Variants in XXYLT1 observed in about 807,000 individuals in gnomAD.
XXYLT1 encodes UDP-xylose:alpha-xyloside alpha-1,3-xylosyltransferase.
Under a neutral mutation model 28.9 loss-of-function variants are expected in XXYLT1, and 20 were observed. The observed-to-expected ratio is 0.69, with a 90% confidence interval of 0.49 to 1.00. The LOEUF (loss-of-function observed/expected upper bound fraction) is 1.00. XXYLT1 is among the 50% of genes least tolerant of loss of function. The probability of loss-of-function intolerance (pLI) is 0.00; values close to 1 mark genes in which losing one functional copy is unlikely to be tolerated. For synonymous variants in XXYLT1, 257 were observed against 253.8 expected (o/e 1.01, Z -0.12); for missense variants, 542 against 560.1 (o/e 0.97, Z 0.33).
intron 3 of XXYLT1, among the ~76,000 whole-genome samples, chr3:195,147,252 C>T (rs1006443243): frequency 1.3e-5 from 2 of 152,112 alleles, no homozygotes; most frequent in African/African-American, 4.8e-5. Flanking sequence ...TCCTATGGCT[C>T]ACACACACAA....
intron 3 of XXYLT1, chr3:195,122,276 G>A (rs778981932): frequency 3.0e-6 from 2 of 668,110 alleles, no homozygotes; most frequent in African/African-American, 1.8e-5. Context: ...ATTTTGGGGG[G>A]ATACAATTAT....
At chr3:195,112,742 C>T (rs1717835462) in intron 3 of XXYLT1, among the ~76,000 whole-genome samples, 1 of 144,874 alleles carries the variant, frequency 6.9e-6, no homozygotes, top group Non-Finnish European at 1.5e-5. Context: ...GTGGTAGGAA[C>T]AGCTGAAGCA....
Position 195,069,559 on chromosome 3 carries a change from C to T in XXYLT1, c.*156G>A. 2 of 1,151,254 alleles carry T rather than the reference C, an allele frequency of 1.7e-6. No individual in the cohort carries two copies. The highest frequency in any genetic ancestry group is 1.5e-5 in the South Asian group (1 of 65,498). The allele number at this position is 1,151,254 out of a possible 1,614,324, so 71.3% of individuals were successfully genotyped here. On this transcript the variant is annotated 3_prime_UTR_variant, in exon 4 of 4. Coordinates refer to ENST00000310380, the MANE Select transcript of XXYLT1 (RefSeq NM_152531.5). ...GCCAGTCCTTGGCGGGTGGCCTCAG[C>T]ACAGTGACCTGCCCGGCAGGAGGTC... is the stretch of plus-strand genomic sequence containing the variant.
At chr3:195,116,920 G>T (rs368874749) in intron 3 of XXYLT1, among the ~76,000 whole-genome samples, 6 of 152,002 alleles carry the variant, frequency 3.9e-5, no homozygotes, top group African/African-American at 1.5e-4. Context: ...GCACACCAGG[G>T]GTCAGAGAAA....
chr3:195,202,635 G>A (rs1722908865), intron 2 of XXYLT1, among the ~76,000 whole-genome samples: 1 of 152,142 alleles, frequency 6.6e-6, no homozygotes, highest in African/African-American at 2.4e-5. Flanking sequence ...AGCCCCAGAA[G>A]GTGAAAATCT....
rs545666267 is a variant in XXYLT1 at position 195,071,070 on chromosome 3, CAT to C, written c.786-961_786-960del. Among the ~76,000 whole-genome samples, 29 of 152,330 alleles carry C rather than the reference CAT, an allele frequency of 1.9e-4. No homozygotes were observed. In the South Asian group the frequency reaches 5.4e-3, roughly 28 times the overall value. ...TCCAGCCTCTTTAATAGCTAAGCCT[CAT>C]GTGTGCTGCAAGGGGTGTGCAGGTG... On this transcript the variant is annotated intron_variant, in intron 3 of 3. Coordinates refer to ENST00000310380, the MANE Select transcript of XXYLT1 (RefSeq NM_152531.5).
chr3:195,163,399 A>C (rs1396237270), intron 2 of XXYLT1, among the ~76,000 whole-genome samples: 3 of 152,184 alleles, frequency 2.0e-5, no homozygotes, highest in Non-Finnish European at 1.5e-5. Context: ...TGCTGCCTGC[A>C]GCTCCTCATC....
chr3:195,154,622 C>G (rs1017279896), intron 3 of XXYLT1, among the ~76,000 whole-genome samples: 2 of 152,120 alleles, frequency 1.3e-5, no homozygotes, highest in African/African-American at 4.8e-5. Context: ...TGCAGGCCAC[C>G]CTCAGGGAAG....
intron 3 of XXYLT1, among the ~76,000 whole-genome samples, chr3:195,103,461 T>TCACCCCACGC (rs1716920908): frequency 3.9e-5 from 6 of 152,192 alleles, no homozygotes; most frequent in East Asian, 1.9e-4. Flanking sequence ...CCTGCGTCCA[T>TCACCCCACGC]CTCTTCTGCA....
chr3:195,138,235 T>C (rs945672482), intron 3 of XXYLT1, among the ~76,000 whole-genome samples: 1 of 152,218 alleles, frequency 6.6e-6, no homozygotes, highest in Non-Finnish European at 1.5e-5. Flanking sequence ...CATGCCATCA[T>C]TTGAAAATAA....
At chr3:195,082,469 T>C (rs1038696455) in intron 3 of XXYLT1, among the ~76,000 whole-genome samples, 23 of 152,150 alleles carry the variant, frequency 1.5e-4, no homozygotes, top group African/African-American at 5.6e-4. Context: ...GTTCCCTGTG[T>C]CCCTGGGACT....
At position 195,150,732 on chromosome 3, in the gene XXYLT1, TC is replaced by T. The variant is rs1440340451; in HGVS notation, c.785+5716del. On this transcript the variant is annotated intron_variant, in intron 3 of 3. Transcript: ENST00000310380. This position sits in a 1 kb window ranked among gnomAD's most constrained non-coding sequence, Gnocchi z 4.7. ...TTCAGAGGATCCTCAGGCGGCCAGC[TC>T]CACAAAGTGACCATAACAAAGGGCC... is the stretch of plus-strand genomic sequence containing the variant. Among the ~76,000 whole-genome samples the T allele has an allele frequency of 6.6e-6, 1 of 151,882 alleles. No individual in the cohort carries two copies. The highest frequency in any genetic ancestry group is 6.6e-5 in the Admixed American group (1 of 15,244).
intron 1 of XXYLT1, among the ~76,000 whole-genome samples, chr3:195,259,167 G>A (rs866396189): frequency 2.2e-4 from 34 of 152,384 alleles, no homozygotes; most frequent in Middle Eastern, 3.4e-3. Flanking sequence ...GCCTCTGGGA[G>A]ACTAGTCCCA....
Position 195,078,570 on chromosome 3 carries a change from C to G in XXYLT1, c.786-8459G>C, listed in dbSNP as rs1715253684. On this transcript the variant is annotated intron_variant, in intron 3 of 3. Transcript: ENST00000310380. This position sits in a 1 kb window ranked among gnomAD's most constrained non-coding sequence, Gnocchi z 5.0. Reference sequence around the variant, plus strand: ...CATCCCCATCCAAGCTGGGCCTTCTCCCCAGTGATGCCCTCCAAGCCTCCT... The same window carrying G: ...CATCCCCATCCAAGCTGGGCCTTCTGCCCAGTGATGCCCTCCAAGCCTCCT... 6.6e-6 allele frequency among the ~76,000 whole-genome samples: 1 copy of G among 152,152 alleles called. No individual in the cohort carries two copies. The highest frequency in any genetic ancestry group is 2.1e-4 in the South Asian group (1 of 4,830).
intron 2 of XXYLT1, among the ~76,000 whole-genome samples, chr3:195,165,285 C>T (rs1721062535): frequency 6.6e-6 from 1 of 152,170 alleles, no homozygotes; most frequent in Admixed American, 6.5e-5. Context: ...TACAGGGTTT[C>T]CTCAGCCTCC....
chr3:195,251,985 G>A (rs992270873), intron 1 of XXYLT1, among the ~76,000 whole-genome samples: 1 of 152,172 alleles, frequency 6.6e-6, no homozygotes, highest in Non-Finnish European at 1.5e-5. Context: ...GAAGGCAAAT[G>A]AGTAAACGGA....
At chr3:195,131,683 G>C (rs1032216753) in intron 3 of XXYLT1, among the ~76,000 whole-genome samples, 1 of 152,198 alleles carries the variant, frequency 6.6e-6, no homozygotes, top group Non-Finnish European at 1.5e-5. Context: ...AGCAGGGGCA[G>C]GGCCAGGGTG....
intron 3 of XXYLT1, among the ~76,000 whole-genome samples, chr3:195,155,100 A>G (rs912768674): frequency 6.6e-6 from 1 of 152,230 alleles, no homozygotes; most frequent in African/African-American, 2.4e-5. Context: ...AGAGGATTAT[A>G]TAAGGGAGAA....
chr3:195,083,364 C>T (rs1452153955), intron 3 of XXYLT1, among the ~76,000 whole-genome samples: 1 of 152,166 alleles, frequency 6.6e-6, no homozygotes, highest in African/African-American at 2.4e-5. Flanking sequence ...GGCTGGAGTC[C>T]TCAGGAAACT....
Sources: gnomAD v4.1 joint callset for allele counts (sites outside exome capture counted in the v4.1 genomes callset) on GRCh38, gnomAD v4.1.1 for gene constraint, Gnocchi (gnomAD v3.1) non-coding constraint, MANE v1.5 for transcripts, NCBI Gene and HGNC (gene_info 2026-07-23, HGNC 2026-07-21) for gene names.